The following CDKN2B-AS1 variants were observed in gnomAD, a reference collection of about 807,000 sequenced individuals.
The protein encoded by CDKN2B-AS1 is CDKN2B and CDKN2A antisense cis and trans regulatory RNA 1, also known as CDKN2B antisense RNA 1 (non-protein coding).
intron 4 of CDKN2B-AS1, among the ~76,000 whole-genome samples, chr9:22,086,153 G>A (rs1213488981): frequency 6.6e-6 from 1 of 152,120 alleles, no homozygotes; most frequent in Middle Eastern, 3.2e-3. Flanking sequence ...ATGTGGTAGA[G>A]TTATTATTGA....
intron 4 of CDKN2B-AS1, among the ~76,000 whole-genome samples, chr9:22,095,876 A>T (rs1825256858): frequency 6.6e-6 from 1 of 150,954 alleles, no homozygotes; most frequent in Non-Finnish European, 1.5e-5. Flanking sequence ...TTGTTGGTTT[A>T]AAGTCTGTTT....
intron 1 of CDKN2B-AS1, chr9:22,008,820 C>T (rs1821333323): frequency 4.4e-6 from 7 of 1,606,838 alleles, no homozygotes; most frequent in Non-Finnish European, 5.9e-6. Context: ...CCTCCCGAAA[C>T]GGTTGACTCC....
At chr9:22,004,944 A>G (rs1415263773) in intron 1 of CDKN2B-AS1, 1 of 233,224 alleles carries the variant, frequency 4.3e-6, no homozygotes, top group Non-Finnish European at 8.5e-6. Flanking sequence ...CAACAGTGCC[A>G]TTGCTACATT....
chr9:22,041,818 A>T (rs954350732), intron 1 of CDKN2B-AS1, among the ~76,000 whole-genome samples: 2 of 152,056 alleles, frequency 1.3e-5, no homozygotes, highest in Non-Finnish European at 2.9e-5. Flanking sequence ...TTTGAAAAAA[A>T]TTTCAGAAAT....
At chr9:22,122,571 T>C (rs962978811) in intron 4 of CDKN2B-AS1, among the ~76,000 whole-genome samples, 1 of 152,154 alleles carries the variant, frequency 6.6e-6, no homozygotes, top group Non-Finnish European at 1.5e-5. Flanking sequence ...ATGATATTTA[T>C]ATAGGGTGAG....
intron 4 of CDKN2B-AS1, among the ~76,000 whole-genome samples, chr9:22,090,606 T>G (rs1468168089): frequency 7.2e-5 from 11 of 152,320 alleles, no homozygotes; most frequent in Non-Finnish European, 1.5e-4. Context: ...TCATGTGTCT[T>G]TTGGCTGCAT....
At chr9:22,012,819 T>A (rs1220180103) in intron 1 of CDKN2B-AS1, among the ~76,000 whole-genome samples, 2 of 152,182 alleles carry the variant, frequency 1.3e-5, no homozygotes, top group Non-Finnish European at 2.9e-5. Context: ...GAGGTTTGAT[T>A]TTCTCCATTT....
intron 1 of CDKN2B-AS1, among the ~76,000 whole-genome samples, chr9:22,007,437 AATG>A (rs1224131400): frequency 2.0e-5 from 3 of 152,204 alleles, no homozygotes; most frequent in African/African-American, 7.2e-5. Context: ...ACTTAGAAAA[AATG>A]ATGTTTTGCA....
intron 1 of CDKN2B-AS1, among the ~76,000 whole-genome samples, chr9:22,026,263 G>A (rs1358806108): frequency 1.3e-5 from 2 of 152,328 alleles, no homozygotes; most frequent in East Asian, 3.9e-4. Context: ...GTCCCAGGGA[G>A]TTTTCAGATC....
At chr9:22,052,792 A>G (rs987877940) in intron 3 of CDKN2B-AS1, among the ~76,000 whole-genome samples, 28 of 152,224 alleles carry the variant, frequency 1.8e-4, no homozygotes, top group African/African-American at 6.8e-4. Flanking sequence ...TCAACATAAA[A>G]TGAAGTGACT....
intron 4 of CDKN2B-AS1, chr9:22,058,878 TG>T: frequency 4.5e-6 from 1 of 219,820 alleles, no homozygotes. Flanking sequence ...TCTTACATGG[TG>T]GCAGCAAGAG....
rs201387679 is a variant in CDKN2B-AS1, at chr9:21,999,732, T to TTTG, written n.29+4586_29+4588dup. Among the ~76,000 whole-genome samples, 3 of 152,054 alleles carry TTTG rather than the reference T, an allele frequency of 2.0e-5. No homozygotes were observed. The highest frequency in any genetic ancestry group is 4.4e-5 in the Non-Finnish European group (3 of 67,974). The stretch of plus-strand genomic sequence containing the variant: ...TTGACATGCTTGTGAGGAGACTTTT[T>TTTG]TTGTTGTTGTTGTTGTTAGGGCTCA... On this transcript the variant is annotated intron_variant and non_coding_transcript_variant, in intron 1 of 4. Coordinates refer to ENST00000650946, the Ensembl canonical transcript of CDKN2B-AS1. This position sits in a 1 kb window ranked among gnomAD's most constrained non-coding sequence, Gnocchi z 4.7.
intron 1 of CDKN2B-AS1, among the ~76,000 whole-genome samples, chr9:22,010,140 A>G (rs1359883255): frequency 6.6e-6 from 1 of 152,192 alleles, no homozygotes; most frequent in African/African-American, 2.4e-5. Flanking sequence ...TGCAGTAATA[A>G]TGAAACATCA....
intron 4 of CDKN2B-AS1, among the ~76,000 whole-genome samples, chr9:22,075,743 C>T (rs1186135187): frequency 6.6e-6 from 1 of 152,132 alleles, no homozygotes; most frequent in Admixed American, 6.6e-5. Context: ...GGTGCAACAG[C>T]AAAGGAGGTG....
At chr9:22,008,830 C>T (rs1218110940) in intron 1 of CDKN2B-AS1, 4 of 1,608,236 alleles carry the variant, frequency 2.5e-6, no homozygotes, top group Admixed American at 3.4e-5. Flanking sequence ...CGGTTGACTC[C>T]GTTGGGATCC....
At chr9:22,091,536 C>T (rs1825084390) in intron 4 of CDKN2B-AS1, among the ~76,000 whole-genome samples, 1 of 152,118 alleles carries the variant, frequency 6.6e-6, no homozygotes, top group African/African-American at 2.4e-5. Context: ...TTGAAGAGGT[C>T]CTTCACATCC....
At chr9:22,043,131 C>T (rs1474191686) in intron 1 of CDKN2B-AS1, among the ~76,000 whole-genome samples, 1 of 152,024 alleles carries the variant, frequency 6.6e-6, no homozygotes, top group Non-Finnish European at 1.5e-5. Context: ...GTTATAATAG[C>T]CATATCAATT....
At chr9:22,028,184 T>C (rs1039620537) in intron 1 of CDKN2B-AS1, among the ~76,000 whole-genome samples, 6 of 151,624 alleles carry the variant, frequency 4.0e-5, no homozygotes, top group Admixed American at 6.6e-5. Context: ...TCCCATCTGA[T>C]AAAATATTGA....
chr9:22,066,980 C>G (rs1824070892), intron 4 of CDKN2B-AS1, among the ~76,000 whole-genome samples: 1 of 152,098 alleles, frequency 6.6e-6, no homozygotes, highest in Non-Finnish European at 1.5e-5. Context: ...AAACCAAACA[C>G]TGATGTTCTC....
Sources: allele counts gnomAD v4.1 joint callset (sites outside exome capture counted in the v4.1 genomes callset), GRCh38; gene constraint gnomAD v4.1.1; non-coding constraint Gnocchi (gnomAD v3.1); transcripts MANE v1.5; gene names NCBI Gene and HGNC (gene_info 2026-07-23, HGNC 2026-07-21).